The following WDR48 variants were observed in gnomAD, a reference collection of about 807,000 sequenced individuals.
The protein encoded by WDR48 is WD repeat-containing protein 48.
Under a neutral mutation model 94.0 loss-of-function variants are expected in WDR48, and 22 were observed. The observed-to-expected ratio is 0.23, with a 90% CI of 0.17 to 0.33. The LOEUF (loss-of-function observed/expected upper bound fraction) is 0.33. WDR48 is among the 10% of genes least tolerant of loss of function. The probability of loss-of-function intolerance (pLI) is 1.00; values close to 1 mark genes in which losing one functional copy is unlikely to be tolerated. For synonymous variants in WDR48, 278 were observed against 280.5 expected (o/e 0.99, Z 0.09); for missense variants, 541 against 813.8 (o/e 0.66, Z 4.08).
chr3:39,066,637 C>G lies in WDR48; in HGVS notation c.351+7C>G. ...AACATTAAGGACACATAAGGTAAAA[C>G]AATACAGTTCTCAGTGTCTTTAGTG... On this transcript the variant is annotated splice_region_variant and intron_variant, in intron 4 of 18. Transcript: ENST00000302313. The G allele has an allele frequency of 6.2e-7, 1 of 1,613,630 alleles. No individual in the cohort carries two copies. The highest frequency in any genetic ancestry group is 1.1e-5 in the South Asian group (1 of 91,058).
At chr3:39,073,894 C>T (rs2034074221) in intron 7 of WDR48, among the ~76,000 whole-genome samples, 2 of 152,160 alleles carry the variant, frequency 1.3e-5, no homozygotes, top group Admixed American at 1.3e-4. Flanking sequence ...GAATCCAGAG[C>T]CATGAGACAG....
rs545989925 is a variant in WDR48, at chr3:39,088,955, C to T, written c.1581-276C>T. ...ACTAGCTGGGGACCTTTACTGGGTG[C>T]TTTGCTTGCACCCAGGTTTCCTGTC... On this transcript the variant is annotated intron_variant, in intron 15 of 18. Coordinates refer to ENST00000302313, the MANE Select transcript of WDR48 (RefSeq NM_020839.4). 2.0e-5 allele frequency among the ~76,000 whole-genome samples: 3 copies of T among 152,264 alleles called. No homozygotes were observed. The South Asian group carries it at 6.2e-4, about 32-fold the overall frequency.
At chr3:39,069,841 C>G in intron 7 of WDR48, 97 bp downstream of exon 7, 2 of 963,868 alleles carry the variant, frequency 2.1e-6, no homozygotes, top group Middle Eastern at 2.2e-4. Context: ...GAAAGCCACA[C>G]TTATTATAAA....
chr3:39,088,137 A>G lies in WDR48; in HGVS notation c.1484A>G (p.Glu495Gly), dbSNP rs1575433710. The G allele has an allele frequency of 1.9e-6, 3 of 1,614,120 alleles. No homozygotes were observed. Among genetic ancestry groups the G allele is most frequent in the Non-Finnish European group, 2.5e-6 (3 of 1,180,014 alleles). Residue 495 changes from glutamate (E) to glycine (G), a missense_variant, in exon 15 of 19, where the codon GAG becomes GGG. By Grantham distance (98) the Glu-to-Gly change is moderately conservative. This residue lies in a region of WDR48 where 238 missense variants were observed against 285.3 expected (regional missense o/e 0.83). Coordinates refer to ENST00000302313, the MANE Select transcript of WDR48 (RefSeq NM_020839.4). ...CTGCATCTTTTCCTAGTAAATGGGG[A>G]GCAGGAGAACCGAGTGCAGAAGGGA... ...EENEVNHVNG[E>G]QENRVQKGNG...
intron 17 of WDR48, among the ~76,000 whole-genome samples, chr3:39,092,908 AT>A (rs2125687463): frequency 9.4e-6 from 1 of 106,564 alleles, no homozygotes; most frequent in East Asian, 2.8e-4. Flanking sequence ...CACACACACA[AT>A]TATTTTAAAG....
chr3:39,078,269 A>C (rs773732425), intron 10 of WDR48, 30 bp downstream of exon 10: 2 of 1,488,324 alleles, frequency 1.3e-6, no homozygotes, highest in East Asian at 4.5e-5. Context: ...TGTACCCCTT[A>C]TTGAAGTTAG....
At chr3:39,085,687 C>T (rs1276463836) in intron 14 of WDR48, 77 bp downstream of exon 14, 2 of 1,225,692 alleles carry the variant, frequency 1.6e-6, no homozygotes. Flanking sequence ...AAGGTACTTA[C>T]TTAAACCGTT....
rs1307820915 is a variant in WDR48 at position 39,079,025 on chromosome 3, G to A, written c.1076-686G>A. Among the ~76,000 whole-genome samples the A allele has an allele frequency of 3.4e-5, 4 of 118,810 alleles. No homozygotes were observed. In the East Asian group the frequency reaches 8.5e-4, roughly 25 times the overall value. 77.9% of individuals were successfully genotyped at this position (118,810 alleles called of 152,430 possible). ...AGCCTGGGCGACAGAGCGAGACTCC[G>A]TCTCAAAAAAAAAAAAAAAAAATGC... On this transcript the variant is annotated intron_variant, in intron 10 of 18. Transcript: ENST00000302313.
At position 39,052,035 on chromosome 3, in the gene WDR48, C is replaced by T. The variant is rs866360889; in HGVS notation, c.10C>T (p.His4Tyr). 1.9e-6 allele frequency: 3 copies of T among 1,613,830 alleles called. No homozygotes were observed. The highest frequency in any genetic ancestry group is 2.5e-6 in the Non-Finnish European group (3 of 1,179,980). MAA[H>Y]HRQNTAGRRK... ...AGTGTCAACATGCAAGATGGCGGCC[C>T]ATCACCGGCAGAACACAGCAGGGCG... The change falls in exon 1 of 19, where the codon CAT becomes TAT. Residue 4 changes from histidine to tyrosine, a missense_variant. By Grantham distance (83) the His-to-Tyr change is moderately conservative. This residue lies in a region of WDR48 where 90 missense variants were observed against 122.3 expected (regional missense o/e 0.74). Coordinates refer to ENST00000302313, the MANE Select transcript of WDR48 (RefSeq NM_020839.4).
At chr3:39,052,741 A>T (rs2032542565) in intron 1 of WDR48, 1 of 152,416 alleles carries the variant, frequency 6.6e-6, no homozygotes, top group Admixed American at 6.5e-5. Flanking sequence ...TTTATTGTCC[A>T]TGTGGTAAAG....
intron 7 of WDR48, among the ~76,000 whole-genome samples, chr3:39,072,111 T>C (rs1172107369): frequency 6.6e-6 from 1 of 152,214 alleles, no homozygotes; most frequent in Non-Finnish European, 1.5e-5. Context: ...TATAGGCCAA[T>C]GAATCCCATG....
In WDR48 at chr3:39,066,794, TC is replaced by T; in HGVS notation, c.401del (p.Ser134Ter). The T allele has an allele frequency of 6.2e-7, 1 of 1,614,016 alleles. No individual in the cohort carries two copies. Among genetic ancestry groups the T allele is most frequent in the Non-Finnish European group, 8.5e-7 (1 of 1,179,926 alleles). ...TGCCAAGGATAAAGAACTAGTAGCA[TC>T]AGCTGGGTTGGACAGACAAATATTC... is the stretch of plus-strand genomic sequence containing the variant. ...AYAKDKELVA[S>X]AGLDRQIFLW... On this transcript the variant is annotated frameshift_variant, in exon 5 of 19. Transcript: ENST00000302313. LOFTEE classifies it high-confidence loss of function.
chr3:39,078,230 G>A lies in WDR48; in HGVS notation c.1066G>A (p.Val356Ile), dbSNP rs374151505. 2.7e-5 allele frequency: 44 copies of A among 1,609,722 alleles called. 1 individual carries two copies. The Middle Eastern group carries it at 2.2e-3, about 79-fold the overall frequency. The change falls in exon 10 of 19, where the codon GTT (valine) becomes ATT (isoleucine). Residue 356 changes from valine (V) to isoleucine (I), a missense_variant. Transcript: ENST00000302313. ...ITPLCTQPDQVIKGGASIIQC... is the reference protein window; with the variant it reads ...ITPLCTQPDQIIKGGASIIQC... ...ACCTCTTTGTACACAACCTGACCAGGTTATTAAAGGTAAGAAAATGGAAGG... is the reference window on the plus strand; with the variant it reads ...ACCTCTTTGTACACAACCTGACCAGATTATTAAAGGTAAGAAAATGGAAGG...
intron 2 of WDR48, 26 bp from the exon 3 acceptor site, chr3:39,065,785 T>G: frequency 6.6e-7 from 1 of 1,522,830 alleles, no homozygotes; most frequent in Non-Finnish European, 8.9e-7. Flanking sequence ...TCATATAAAC[T>G]CTTAGGATTT....
At chr3:39,071,254 A>G (rs1197886619) in intron 7 of WDR48, among the ~76,000 whole-genome samples, 1 of 152,194 alleles carries the variant, frequency 6.6e-6, no homozygotes, top group Non-Finnish European at 1.5e-5. Context: ...ATATGTGTTA[A>G]TAATAAGTAT....
At chr3:39,092,644 G>A (rs2035140185) in intron 17 of WDR48, among the ~76,000 whole-genome samples, 1 of 152,160 alleles carries the variant, frequency 6.6e-6, no homozygotes, top group South Asian at 2.1e-4. Flanking sequence ...GGAGACCCAA[G>A]AGAAGAATTT....
chr3:39,058,935 C>T (rs749345206), intron 1 of WDR48, among the ~76,000 whole-genome samples: 6 of 151,906 alleles, frequency 3.9e-5, no homozygotes, highest in South Asian at 4.2e-4. Flanking sequence ...ATTAGCTGGG[C>T]GCCATAGCAG....
chr3:39,072,789 T>G (rs1424136979), intron 7 of WDR48, among the ~76,000 whole-genome samples: 3 of 152,304 alleles, frequency 2.0e-5, no homozygotes, highest in African/African-American at 7.2e-5. Context: ...GCACTATAAT[T>G]CCTATAAAAC....
intron 18 of WDR48, 32 bp from the exon 19 acceptor site, chr3:39,094,616 T>A (rs368680519): frequency 6.2e-7 from 1 of 1,613,538 alleles, no homozygotes; most frequent in Non-Finnish European, 8.5e-7. Flanking sequence ...TTAGAGACTT[T>A]GAAATTTTTA....
Sources: gnomAD v4.1 joint callset for allele counts (sites outside exome capture counted in the v4.1 genomes callset) on GRCh38, gnomAD v4.1.1 for gene constraint, gnomAD v4.1.1 regional missense constraint, MANE v1.5 for transcripts, NCBI Gene and HGNC (gene_info 2026-07-23, HGNC 2026-07-21) for gene names.